NXF3: variants seen among roughly 807,000 people sequenced by gnomAD.
The protein encoded by NXF3 is nuclear RNA export factor 3, also known as TAP-like protein 3.
Under a neutral mutation model 48.4 loss-of-function variants are expected in NXF3, and 34 were observed. The observed-to-expected ratio is 0.70, with a 90% CI of 0.53 to 0.93. The LOEUF (loss-of-function observed/expected upper bound fraction) is 0.93, where lower values mean the gene tolerates loss of function less well. NXF3 is among the 40% of genes least tolerant of loss of function. The pLI is 0.00. For synonymous variants in NXF3, 132 were observed against 145.7 expected, an observed-to-expected ratio of 0.91 and a Z score of 0.68; for missense variants, 359 against 406.1, an observed-to-expected ratio of 0.88 and a Z score of 1.00.
At chrX:103,076,388 C>T (rs368907105) in intron 18 of NXF3, 87 bp from the exon 19 acceptor site, 48 of 979,968 alleles carry the variant, frequency 4.9e-5, no homozygotes, top group Non-Finnish European at 7.0e-5. Context: ...ATCTATGCAA[C>T]AGAAACATGT....
chrX:103,082,899 G>C, intron 7 of NXF3, 51 bp from the exon 8 acceptor site: 1 of 1,147,493 alleles, frequency 8.7e-7, no homozygotes, highest in Non-Finnish European at 1.2e-6. Flanking sequence ...GACCCGCCTG[G>C]TACAGCATCA....
At chrX:103,079,187 G>A (rs1463162658) in intron 16 of NXF3, 34 bp downstream of exon 16, 1 of 1,193,392 alleles carries the variant, frequency 8.4e-7, no homozygotes, top group Non-Finnish European at 1.1e-6. Flanking sequence ...GGGAGGAGTG[G>A]GGGATCTGGG....
intron 17 of NXF3, 145 bp downstream of exon 17, chrX:103,078,415 C>A (rs1430606077): frequency 3.5e-6 from 3 of 858,876 alleles, no homozygotes; most frequent in Middle Eastern, 3.1e-4. Flanking sequence ...GCGTGAGCCA[C>A]TGCTCCTGGC....
chrX:103,088,852 G>T, intron 1 of NXF3: 3 of 1,171,501 alleles, frequency 2.6e-6, no homozygotes, highest in South Asian at 3.6e-5. Context: ...AATCATCCAC[G>T]TAATAATGTT....
At chrX:103,086,673 T>TA (rs1362589572) in intron 1 of NXF3, among the ~76,000 whole-genome samples, 2 of 103,946 alleles carry the variant, frequency 1.9e-5, no homozygotes, top group Non-Finnish European at 3.8e-5. Context: ...TCACACTAGA[T>TA]AAAAAATTCC....
At chrX:103,081,971 G>A in intron 9 of NXF3, 1 of 323,706 alleles carries the variant, frequency 3.1e-6, no homozygotes, top group Non-Finnish European at 5.5e-6. Context: ...TGGGGAAGTG[G>A]GGGAGCCCCG....
intron 8 of NXF3, 36 bp downstream of exon 8, chrX:103,082,724 T>G (rs1290510481): frequency 1.8e-6 from 2 of 1,099,098 alleles, no homozygotes; most frequent in East Asian, 6.0e-5. Context: ...CTCTTCCACC[T>G]TCACCCTCAA....
intron 2 of NXF3, 82 bp downstream of exon 2, chrX:103,084,633 G>T: frequency 8.8e-7 from 1 of 1,140,190 alleles, no homozygotes; most frequent in Non-Finnish European, 1.2e-6. Context: ...CTGTCAAGTT[G>T]GAAAGAATGA....
At chrX:103,083,936 T>G (rs993553054) in intron 3 of NXF3, among the ~76,000 whole-genome samples, 1 of 111,802 alleles carries the variant, frequency 8.9e-6, no homozygotes, top group Non-Finnish European at 1.9e-5. Context: ...CTTAAAATAA[T>G]CAATTTAAGA....
chrX:103,082,761 G>A lies in NXF3; in HGVS notation c.779C>T (p.Thr260Ile). 8.3e-7 allele frequency: 1 copy of A among 1,198,914 alleles called. No individual in the cohort carries two copies. Among genetic ancestry groups the A allele is most frequent in the South Asian group, 1.8e-5 (1 of 56,650 alleles). Reference protein sequence around the residue: ...SLDVHEENIPTVMSAGEMDKW... With the variant: ...SLDVHEENIPIVMSAGEMDKW... ...CCCAGCATGAGCCTAAGGCCTCACT[G>A]TAGGTATGTTCTCTTCATGGACGTC... is the stretch of plus-strand genomic sequence containing the variant. The change falls in exon 8 of 20, where the codon ACA (threonine) becomes ATA (isoleucine). Residue 260 changes from threonine (T) to isoleucine (I), a missense_variant and splice_region_variant. By Grantham distance (89) the Thr-to-Ile change is moderately conservative (BLOSUM62 -1). Coordinates refer to ENST00000395065, the MANE Select transcript of NXF3 (RefSeq NM_022052.2).
rs777472141 is a variant in NXF3, at chrX:103,089,986, A to G, written c.28+3010T>C. ...AGGCAAGAGGCTAGGATGTATCCAT[A>G]TACATTTACCATGTTTATTTACCAG... On this transcript the variant is annotated intron_variant, in intron 1 of 19. Coordinates refer to ENST00000395065, the MANE Select transcript of NXF3 (RefSeq NM_022052.2). 9.1e-5 allele frequency among the ~76,000 whole-genome samples: 10 copies of G among 110,245 alleles called. No homozygotes were observed. In the South Asian group the frequency reaches 1.5e-3, roughly 17 times the overall value.
rs775500510 is a variant in NXF3, at chrX:103,084,899, G to T, written c.29-16C>A. 27 of 1,186,829 alleles carry T rather than the reference G, an allele frequency of 2.3e-5. No homozygotes were observed. In the South Asian group the frequency reaches 4.9e-4, roughly 22 times the overall value. On this transcript the variant is annotated splice_polypyrimidine_tract_variant and intron_variant, in intron 1 of 19. Coordinates refer to ENST00000395065, the MANE Select transcript of NXF3 (RefSeq NM_022052.2). ...TCAGTGTGACCTTAAATTAAGAACA[G>T]CACATCAACACTTAGAATACCAGAA...
chrX:103,084,630 G>A (rs1922101236), intron 2 of NXF3, 85 bp downstream of exon 2: 2 of 1,137,255 alleles, frequency 1.8e-6, no homozygotes, highest in Non-Finnish European at 2.4e-6. Context: ...TCTCTGTCAA[G>A]TTGGAAAGAA....
chrX:103,077,599 A>G lies in NXF3; in HGVS notation c.1584+15T>C. 8.3e-7 allele frequency: 1 copy of G among 1,209,685 alleles called. No homozygotes were observed. Among genetic ancestry groups the G allele is most frequent in the African/African-American group, 1.7e-5 (1 of 57,707 alleles). On this transcript the variant is annotated intron_variant, in intron 18 of 19. Transcript: ENST00000395065. Reference sequence around the variant, plus strand: ...TGGTAGTTCATCCCCCAGACTGGGCAGAGAAAACCTGTACCATTTTCTGCT... The same window carrying G: ...TGGTAGTTCATCCCCCAGACTGGGCGGAGAAAACCTGTACCATTTTCTGCT...
intron 18 of NXF3, among the ~76,000 whole-genome samples, chrX:103,077,395 C>A (rs986525094): frequency 1.8e-5 from 2 of 110,025 alleles, no homozygotes; most frequent in Admixed American, 9.7e-5. Flanking sequence ...GGACTACAGG[C>A]GCCCGCCACC....
intron 1 of NXF3, chrX:103,088,804 T>G (rs1438855335): frequency 1.8e-6 from 2 of 1,137,534 alleles, no homozygotes; most frequent in Non-Finnish European, 2.4e-6. Context: ...TATGCATCCC[T>G]TTGCCAAGTA....
At chrX:103,087,292 T>A in intron 1 of NXF3, 1 of 1,187,950 alleles carries the variant, frequency 8.4e-7, no homozygotes. Flanking sequence ...CAATATTTGC[T>A]TCAAGCACTT....
Position 103,079,433 on chromosome X carries a change from C to A in NXF3, c.1261G>T (p.Val421Leu). 1 of 1,211,309 alleles carries A rather than the reference C, an allele frequency of 8.3e-7. No individual in the cohort carries two copies. Among genetic ancestry groups the A allele is most frequent in the African/African-American group, 1.7e-5 (1 of 57,703 alleles). The change falls in exon 15 of 20, where the codon GTG becomes TTG. Residue 421 changes from valine to leucine, a missense_variant. Coordinates refer to ENST00000395065, the MANE Select transcript of NXF3 (RefSeq NM_022052.2). ...ELLKHTKLDI[V>L]DSLSALPKTQ... ...TTAGGCAACGCACTGAGGGAGTCCA[C>A]AATATCAAGTTTTGTGTGCTTCAGC...
At chrX:103,076,341 A>G (rs1465057308) in intron 18 of NXF3, 40 bp from the exon 19 acceptor site, 1 of 1,182,706 alleles carries the variant, frequency 8.5e-7, no homozygotes, top group Admixed American at 2.2e-5. Flanking sequence ...ATTAGGACCC[A>G]AGTGCAGACA....
Sources: gnomAD v4.1 joint callset for allele counts (sites outside exome capture counted in the v4.1 genomes callset) on GRCh38, gnomAD v4.1.1 for gene constraint, MANE v1.5 for transcripts, NCBI Gene and HGNC (gene_info 2026-07-23, HGNC 2026-07-21) for gene names.